The following PSME4 variants were observed in gnomAD, a reference collection of about 807,000 sequenced individuals.
PSME4 encodes the protein proteasome activator subunit 4.
In PSME4, 89 loss-of-function variants were observed where a neutral mutation model predicts 253.9. The ratio of observed to expected loss-of-function variants is 0.35; its 90% CI spans 0.30 to 0.42. The LOEUF (loss-of-function observed/expected upper bound fraction) is 0.42, where lower values mean the gene tolerates loss of function less well. PSME4 is among the 10% of genes least tolerant of loss of function. The pLI, the probability that PSME4 is intolerant of heterozygous loss-of-function variation, is 1.00. For missense variants in PSME4, 2,014 were observed against 2,195.2 expected (o/e 0.92, Z 1.65); for synonymous variants, 851 against 759.2 (o/e 1.12, Z -1.99).
intron 8 of PSME4, among the ~76,000 whole-genome samples, chr2:53,933,623 C>T (rs1668962927): frequency 6.6e-6 from 1 of 152,186 alleles, no homozygotes; most frequent in South Asian, 2.1e-4. Context: ...CTCAAGCTAT[C>T]CTTCCATCTC....
intron 37 of PSME4, among the ~76,000 whole-genome samples, chr2:53,889,157 AC>A (rs1196175836): frequency 1.3e-5 from 2 of 152,150 alleles, no homozygotes; most frequent in African/African-American, 4.8e-5. Context: ...GAGCTAGTGC[AC>A]CCAGCCATAT....
At chr2:53,932,466 T>C (rs1276383264) in intron 9 of PSME4, among the ~76,000 whole-genome samples, 1 of 152,202 alleles carries the variant, frequency 6.6e-6, no homozygotes, top group Non-Finnish European at 1.5e-5. Context: ...ATGAGCCATG[T>C]TGTCAACAGT....
At chr2:53,873,238 C>CAAAAAAAAAAAAAAAGA (rs60203960) in intron 43 of PSME4, among the ~76,000 whole-genome samples, 1 of 123,154 alleles carries the variant, frequency 8.1e-6, no homozygotes, top group African/African-American at 3.4e-5. Flanking sequence ...GACTCCGTCT[C>CAAAAAAAAAAAAAAAGA]AAAAAAAAAG....
At chr2:53,895,199 T>A in intron 33 of PSME4, 123 bp from the exon 34 acceptor site, 2 of 768,420 alleles carry the variant, frequency 2.6e-6, no homozygotes, top group Non-Finnish European at 4.2e-6. Flanking sequence ...GGGAGATGAG[T>A]ACAGCAGTAA....
Position 53,943,744 on chromosome 2 carries a change from A to C in PSME4, c.501-3744T>G, listed in dbSNP as rs1392816930. On this transcript the variant is annotated intron_variant, in intron 3 of 46. Transcript: ENST00000404125. ...GTAATCCCAGCTACTCAGGAGACTG[A>C]GGCAGAAGAATCGCTTGAACTCGGG... Among the ~76,000 whole-genome samples the C allele has an allele frequency of 2.7e-5, 4 of 148,778 alleles. No individual in the cohort carries two copies. The Admixed American group carries it at 2.7e-4, about 10-fold the overall frequency.
At chr2:53,923,242 G>GAAGCACCTCTAATAATT in intron 15 of PSME4, 79 bp downstream of exon 15, 3 of 1,489,056 alleles carry the variant, frequency 2.0e-6, no homozygotes, top group Non-Finnish European at 9.1e-7. Flanking sequence ...TTTAAGCATA[G>GAAGCACCTCTAATAATT]AAGCACCTCT....
At chr2:53,922,394 C>G in intron 17 of PSME4, 123 bp downstream of exon 17, 1 of 932,812 alleles carries the variant, frequency 1.1e-6, no homozygotes, top group South Asian at 1.5e-5. Context: ...TCTGAAGCCT[C>G]ATCAAATTTC....
intron 26 of PSME4, among the ~76,000 whole-genome samples, chr2:53,905,200 T>G (rs1382406850): frequency 6.6e-6 from 1 of 151,474 alleles, no homozygotes; most frequent in Non-Finnish European, 1.5e-5. Flanking sequence ...TGGCTAATTT[T>G]TGTATTTTTA....
chr2:53,954,804 G>C (rs1300111884), intron 1 of PSME4, among the ~76,000 whole-genome samples: 2 of 151,690 alleles, frequency 1.3e-5, no homozygotes, highest in Admixed American at 6.6e-5. Flanking sequence ...CTGTGCCACT[G>C]CACTCCAGCC....
chr2:53,898,035 A>G, intron 30 of PSME4, 36 bp from the exon 31 acceptor site: 1 of 1,579,666 alleles, frequency 6.3e-7, no homozygotes, highest in East Asian at 2.2e-5. Flanking sequence ...CATATCACAC[A>G]TAAAACCACT....
intron 32 of PSME4, among the ~76,000 whole-genome samples, chr2:53,896,387 C>T (rs805414): frequency 0.28 from 43,125 of 151,944 alleles, 6,517 homozygotes; most frequent in South Asian, 0.46. Context: ...AATTTAAATG[C>T]AATGTTTTAA....
rs796722478 is a variant in PSME4, at chr2:53,939,915, C to A, written c.545+41G>T. 6 of 1,512,728 alleles carry A rather than the reference C, an allele frequency of 4.0e-6. No individual in the cohort carries two copies. In the African/African-American group the frequency reaches 6.9e-5, roughly 17 times the overall value. The allele number at this position is 1,512,728 out of a possible 1,614,324, so 93.7% of individuals were successfully genotyped here. A position where few individuals can be genotyped will look rare whatever the true frequency, so the allele number is the denominator to read the frequency against. On this transcript the variant is annotated intron_variant, in intron 4 of 46. Coordinates refer to ENST00000404125, the MANE Select transcript of PSME4 (RefSeq NM_014614.3). ...CATACTAAAGATGTGGAAAAGCCCACAGAAACAACAAGAGGCTTTATAAAT... is the reference window on the plus strand; with the variant it reads ...CATACTAAAGATGTGGAAAAGCCCAAAGAAACAACAAGAGGCTTTATAAAT...
Position 53,906,485 on chromosome 2 carries a change from A to G in PSME4, c.2943+113T>C, listed in dbSNP as rs564090668. The G allele has an allele frequency of 8.5e-5, 117 of 1,377,204 alleles. 3 individuals are homozygous for G. The South Asian group carries it at 2.4e-3, about 28-fold the overall frequency. 85.3% of individuals were successfully genotyped at this position (1,377,204 alleles called of 1,614,324 possible). A position where few individuals can be genotyped will look rare whatever the true frequency, so the allele number is the denominator to read the frequency against. The stretch of plus-strand genomic sequence containing the variant: ...ATTACAATTTCCAATAATTGAGAGA[A>G]TAATTCCAATTATGGGTGAAATTAT... On this transcript the variant is annotated intron_variant, in intron 26 of 46. Coordinates refer to ENST00000404125, the MANE Select transcript of PSME4 (RefSeq NM_014614.3).
intron 3 of PSME4, among the ~76,000 whole-genome samples, chr2:53,946,574 G>T (rs1335292127): frequency 6.6e-6 from 1 of 152,184 alleles, no homozygotes; most frequent in Admixed American, 6.5e-5. Flanking sequence ...TACAATCAAA[G>T]CTTTTGTATT....
chr2:53,926,072 T>C (rs779243229), intron 12 of PSME4, 49 bp from the exon 13 acceptor site: 2 of 1,473,132 alleles, frequency 1.4e-6, no homozygotes, highest in East Asian at 2.3e-5. Flanking sequence ...TTTGTTTTTT[T>C]TTCCTGAACT....
In PSME4 at chr2:53,908,303, T is replaced by C. The variant is rs559384846; in HGVS notation, c.2784+17A>G. The C allele has an allele frequency of 5.0e-5, 79 of 1,579,094 alleles. 1 individual carries two copies. The South Asian group carries it at 8.1e-4, about 16-fold the overall frequency. ...CTTTAAAACAATTAGTGCAGACTTT[T>C]AGGTGAAAATACTGACCCGATTTTC... On this transcript the variant is annotated intron_variant, in intron 24 of 46. Coordinates refer to ENST00000404125, the MANE Select transcript of PSME4 (RefSeq NM_014614.3).
At chr2:53,920,168 A>T in intron 19 of PSME4, 25 bp downstream of exon 19, 1 of 1,573,852 alleles carries the variant, frequency 6.4e-7, no homozygotes, top group Non-Finnish European at 8.6e-7. Flanking sequence ...CAACTGAATA[A>T]CTCTAATTAT....
Position 53,939,973 on chromosome 2 carries a change from G to C in PSME4, c.528C>G (p.Leu176=), listed in dbSNP as rs375823313. 2.5e-6 allele frequency: 4 copies of C among 1,595,728 alleles called. No individual in the cohort carries two copies. Among genetic ancestry groups the C allele is most frequent in the African/African-American group, 1.3e-5 (1 of 74,558 alleles). ...CTACTTACGGTCGGCAGCTTTTCAC[G>C]AGTGTTTTGAGAATATTTTCTACAG... ...PNSVENILKT[L]VKSCRPYFPA... is the part of the protein sequence containing the mutation. Residue 176 remains leucine, a synonymous_variant, in exon 4 of 47, where the codon CTC becomes CTG. Transcript: ENST00000404125.
At chr2:53,915,388 C>T (rs1193974329) in intron 20 of PSME4, among the ~76,000 whole-genome samples, 1 of 151,620 alleles carries the variant, frequency 6.6e-6, no homozygotes, top group African/African-American at 2.4e-5. Flanking sequence ...AGCAGTGAAC[C>T]AAGACTGTGC....
Sources: allele counts gnomAD v4.1 joint callset (sites outside exome capture counted in the v4.1 genomes callset), GRCh38; gene constraint gnomAD v4.1.1; transcripts MANE v1.5; gene names NCBI Gene and HGNC (gene_info 2026-07-23, HGNC 2026-07-21).